BPIFB2: variants seen among roughly 807,000 people sequenced by gnomAD.
BPIFB2 encodes BPI fold-containing family B member 2.
In BPIFB2, 39 loss-of-function variants were observed where a neutral mutation model predicts 50.1. The observed-to-expected ratio is 0.78, with a 90% CI of 0.60 to 1.02. The LOEUF is 1.02. BPIFB2 is among the 50% of genes least tolerant of loss of function. The probability of loss-of-function intolerance (pLI) is 0.00; values close to 1 mark genes in which losing one functional copy is unlikely to be tolerated. For missense variants in BPIFB2, 574 were observed against 585.8 expected, an observed-to-expected ratio of 0.98 and a Z score of 0.21; for synonymous variants, 280 against 256.3, an observed-to-expected ratio of 1.09 and a Z score of -0.88.
intron 13 of BPIFB2, 148 bp downstream of exon 13, chr20:33,020,735 G>C: frequency 1.1e-6 from 1 of 896,442 alleles, no homozygotes; most frequent in Non-Finnish European, 1.6e-6. Context: ...TGGGGACAGT[G>C]GCCAGTCAGT....
chr20:33,020,956 A>C (rs112641393), intron 13 of BPIFB2, among the ~76,000 whole-genome samples: 2 of 152,138 alleles, frequency 1.3e-5, no homozygotes, highest in Non-Finnish European at 2.9e-5. Context: ...TCTGTCGGTC[A>C]TCTGCGTCAG....
At chr20:33,013,127 G>A (rs1990312131) in intron 4 of BPIFB2, among the ~76,000 whole-genome samples, 1 of 152,068 alleles carries the variant, frequency 6.6e-6, no homozygotes, top group Non-Finnish European at 1.5e-5. Context: ...AGAGTCACTT[G>A]GCTTGTTTAC....
At chr20:33,013,756 A>T in intron 4 of BPIFB2, 54 bp from the exon 5 acceptor site, 1 of 1,580,656 alleles carries the variant, frequency 6.3e-7, no homozygotes, top group Non-Finnish European at 8.6e-7. Context: ...ATCATCAGTC[A>T]TGGTGGGCTC....
rs553313666 is a variant in BPIFB2, at chr20:33,015,964, G to A, written c.516+468G>A. On this transcript the variant is annotated intron_variant, in intron 6 of 15. Transcript: ENST00000170150. ...CGTGGGGTGGTTGCAGGCATGAAAT[G>A]CATTAACATTTCAGAAGAGTTCGGG... is the stretch of plus-strand genomic sequence containing the variant. Among the ~76,000 whole-genome samples, 6 of 152,298 alleles carry A rather than the reference G, an allele frequency of 3.9e-5. No individual in the cohort carries two copies. The South Asian group carries it at 1.2e-3, about 32-fold the overall frequency.
chr20:33,015,502 G>A lies in BPIFB2; in HGVS notation c.516+6G>A. Reference sequence around the variant, plus strand: ...AAGCTGTCTTGAGTAACAAGGTAAAGGGCTTGCAGATTTCTCAGAAAGGAG... The same window carrying A: ...AAGCTGTCTTGAGTAACAAGGTAAAAGGCTTGCAGATTTCTCAGAAAGGAG... On this transcript the variant is annotated splice_donor_region_variant and intron_variant, in intron 6 of 15. Transcript: ENST00000170150. 1 of 1,608,452 alleles carries A rather than the reference G, an allele frequency of 6.2e-7. No individual in the cohort carries two copies. Among genetic ancestry groups the A allele is most frequent in the Non-Finnish European group, 8.5e-7 (1 of 1,175,752 alleles).
At position 33,018,798 on chromosome 20, in the gene BPIFB2, C is replaced by G; in HGVS notation, c.831C>G (p.Leu277=). 1 of 1,613,074 alleles carries G rather than the reference C, an allele frequency of 6.2e-7. No individual in the cohort carries two copies. The highest frequency in any genetic ancestry group is 1.7e-5 in the Admixed American group (1 of 59,940). Residue 277 remains leucine, a synonymous_variant, in exon 9 of 16, where the codon CTC becomes CTG. Transcript: ENST00000170150. ...ALLLLQKAGA[L]NLDITGQLRS... ...TGCTGCTGCAGAAGGCCGGTGCCCT[C>G]AACCTGGACATCACAGGGCAGCTGG...
At chr20:33,022,754 G>C (rs1978720938) in intron 15 of BPIFB2, among the ~76,000 whole-genome samples, 1 of 152,218 alleles carries the variant, frequency 6.6e-6, no homozygotes, top group African/African-American at 2.4e-5. Context: ...GAATTTCCAT[G>C]TAATTAGCCA....
chr20:33,020,657 A>T, intron 13 of BPIFB2, 70 bp downstream of exon 13: 2 of 1,489,720 alleles, frequency 1.3e-6, no homozygotes, highest in East Asian at 2.3e-5. Context: ...TGGGGAAGAG[A>T]TGGCTGTGTA....
At position 33,021,638 on chromosome 20, in the gene BPIFB2, G is replaced by A. The variant is rs77646458; in HGVS notation, c.1259-85G>A. ...AATGGCATCCATCTTCCAGATGCCT[G>A]CGAGGACTCAGTGCTGTGATGCACA... On this transcript the variant is annotated intron_variant, in intron 14 of 15. Coordinates refer to ENST00000170150, the MANE Select transcript of BPIFB2 (RefSeq NM_025227.3). 3.0e-4 allele frequency: 408 copies of A among 1,361,364 alleles called. 1 individual carries two copies. In the African/African-American group the frequency reaches 5.5e-3, roughly 19 times the overall value. 84.3% of individuals were successfully genotyped at this position (1,361,364 alleles called of 1,614,324 possible).
chr20:33,014,033 C>A, intron 5 of BPIFB2, 77 bp downstream of exon 5: 1 of 1,529,490 alleles, frequency 6.5e-7, no homozygotes, highest in Non-Finnish European at 8.8e-7. Flanking sequence ...GCTGCCCACT[C>A]AGGACTTTAA....
At chr20:33,022,105 C>T (rs1978696482) in intron 15 of BPIFB2, among the ~76,000 whole-genome samples, 1 of 152,220 alleles carries the variant, frequency 6.6e-6, no homozygotes, top group South Asian at 2.1e-4. Context: ...AGTGGGACTC[C>T]TTCCACTTTG....
At chr20:33,012,374 T>A (rs1275066993) in intron 3 of BPIFB2, among the ~76,000 whole-genome samples, 1 of 152,178 alleles carries the variant, frequency 6.6e-6, no homozygotes, top group Non-Finnish European at 1.5e-5. Flanking sequence ...AAATCACAGG[T>A]TAGCTGGAGA....
At chr20:33,019,836 C>A in intron 11 of BPIFB2, 86 bp downstream of exon 11, 1 of 1,415,612 alleles carries the variant, frequency 7.1e-7, no homozygotes, top group Non-Finnish European at 9.4e-7. Context: ...CTTTGCTCTA[C>A]TCACACTATT....
At chr20:33,016,957 A>C (rs1444304013) in intron 6 of BPIFB2, 85 bp from the exon 7 acceptor site, 1 of 1,257,210 alleles carries the variant, frequency 8.0e-7, no homozygotes, top group Non-Finnish European at 1.1e-6. Flanking sequence ...GCTTCTAGAC[A>C]GGGACTCTAG....
intron 14 of BPIFB2, 124 bp from the exon 15 acceptor site, chr20:33,021,599 A>G: frequency 1.9e-6 from 2 of 1,036,526 alleles, no homozygotes; most frequent in South Asian, 1.4e-5. Flanking sequence ...CTTCTGTAAA[A>G]GGGGTATAAC....
chr20:33,013,689 G>T (rs1212354354), intron 4 of BPIFB2, 121 bp from the exon 5 acceptor site: 8 of 1,388,616 alleles, frequency 5.8e-6, no homozygotes, highest in Non-Finnish European at 3.9e-6. Context: ...TCTGGGAGTG[G>T]GGGGCCTGCC....
intron 6 of BPIFB2, among the ~76,000 whole-genome samples, chr20:33,016,566 G>C (rs1157002384): frequency 1.3e-5 from 2 of 152,174 alleles, no homozygotes; most frequent in Non-Finnish European, 2.9e-5. Flanking sequence ...CCAACATAAT[G>C]TACTTCTCTG....
chr20:33,023,672 T>A lies in BPIFB2; in HGVS notation c.*289T>A, dbSNP rs1978769066. On this transcript the variant is annotated 3_prime_UTR_variant, in exon 16 of 16. Transcript: ENST00000170150. ...TCCTCCAGGCTGTATAGACCTGCCC[T>A]CTTGCATTAAACAACTTCTCTTGAG... The A allele has an allele frequency of 1.6e-5, 8 of 508,218 alleles. No homozygotes were observed. The highest frequency in any genetic ancestry group is 1.2e-4 in the South Asian group (5 of 41,106). The allele number at this position is 508,218 out of a possible 1,614,324, so 31.5% of individuals were successfully genotyped here. A position where few individuals can be genotyped will look rare whatever the true frequency, so the allele number is the denominator to read the frequency against.
chr20:33,011,107 C>A lies in BPIFB2; in HGVS notation c.193C>A (p.Gln65Lys), dbSNP rs147239233. The A allele has an allele frequency of 8.9e-5, 143 of 1,613,618 alleles. No homozygotes were observed. The highest frequency in any genetic ancestry group is 1.2e-4 in the Non-Finnish European group (140 of 1,179,746). Reference sequence around the variant, plus strand: ...CCTGGACTGGAGTGGAGAGGCGCTTCAGCCCACCAGGTGAGTGCTCCCCTC... The same window carrying A: ...CCTGGACTGGAGTGGAGAGGCGCTTAAGCCCACCAGGTGAGTGCTCCCCTC... The part of the protein sequence containing the change: ...HFLDWSGEAL[Q>K]PTRIRILNVH... Residue 65 changes from glutamine to lysine, a missense_variant, in exon 3 of 16, where the codon CAG becomes AAG. Coordinates refer to ENST00000170150, the MANE Select transcript of BPIFB2 (RefSeq NM_025227.3).
Sources: allele counts gnomAD v4.1 joint callset (sites outside exome capture counted in the v4.1 genomes callset), GRCh38; gene constraint gnomAD v4.1.1; transcripts MANE v1.5; gene names NCBI Gene and HGNC (gene_info 2026-07-23, HGNC 2026-07-21).